CSMD2: variants seen among roughly 807,000 people sequenced by gnomAD.
CSMD2 encodes the protein CUB and Sushi multiple domains 2.
Under a neutral mutation model 398.5 loss-of-function variants are expected in CSMD2, and 130 were observed. The observed-to-expected ratio is 0.33, with a 90% CI of 0.28 to 0.38. The LOEUF (loss-of-function observed/expected upper bound fraction) is 0.38. Among genes scored for constraint, CSMD2 ranks in the 10% least tolerant of loss-of-function variants. The pLI is 1.00. For synonymous variants in CSMD2, 1,828 were observed against 1,908.5 expected, an observed-to-expected ratio of 0.96 and a Z score of 1.10; for missense variants, 3,829 against 4,764.9, an observed-to-expected ratio of 0.80 and a Z score of 5.78.
intron 5 of CSMD2, among the ~76,000 whole-genome samples, chr1:33,895,971 C>T (rs1642360245): frequency 6.6e-6 from 1 of 152,144 alleles, no homozygotes; most frequent in African/African-American, 2.4e-5. Context: ...TCCTCCAAGA[C>T]GGAAGCAGTG....
At chr1:33,821,193 C>A (rs914495437) in intron 7 of CSMD2, among the ~76,000 whole-genome samples, 1 of 152,190 alleles carries the variant, frequency 6.6e-6, no homozygotes, top group Non-Finnish European at 1.5e-5. Context: ...GCAGAGATGG[C>A]ACCTGTGATG....
intron 2 of CSMD2, among the ~76,000 whole-genome samples, chr1:34,072,390 C>T (rs1655824778): frequency 6.6e-6 from 1 of 152,110 alleles, no homozygotes. Context: ...AATTCTGTGG[C>T]CCCAGAAGTT....
intron 3 of CSMD2, among the ~76,000 whole-genome samples, chr1:33,982,942 C>A (rs912933813): frequency 6.6e-6 from 1 of 152,054 alleles, no homozygotes; most frequent in African/African-American, 2.4e-5. Context: ...GGGCTAGGAG[C>A]CCAAGAAGGA....
At chr1:33,884,750 A>G (rs1485130105) in intron 5 of CSMD2, 4 of 152,220 alleles carry the variant, frequency 2.6e-5, no homozygotes, top group Admixed American at 1.3e-4. Context: ...AGAATAAAAT[A>G]CGAATCATCT....
chr1:33,700,646 G>A lies in CSMD2; in HGVS notation c.3604C>T (p.Arg1202Cys), dbSNP rs748166957. Residue 1202 changes from arginine to cysteine, a missense_variant, in exon 23 of 71, where the codon CGT becomes TGT. Transcript: ENST00000373381. The stretch of plus-strand genomic sequence containing the variant: ...GAATGGCTAAAAACTCCCAGCAAAC[G>A]GGCGGAGTTGTTGTTGCCATCATAA... ...KVYDGNNNSA[R>C]LLGVFSHSEM... 1.5e-5 allele frequency: 25 copies of A among 1,614,038 alleles called. No individual in the cohort carries two copies. The highest frequency in any genetic ancestry group is 1.9e-5 in the Non-Finnish European group (22 of 1,180,036).
chr1:34,037,265 C>T (rs1651258918), intron 2 of CSMD2, among the ~76,000 whole-genome samples: 1 of 152,252 alleles, frequency 6.6e-6, no homozygotes, highest in African/African-American at 2.4e-5. Flanking sequence ...CTCACTCCAG[C>T]CGCCTCCTAT....
intron 39 of CSMD2, among the ~76,000 whole-genome samples, chr1:33,615,559 G>A (rs1256702529): frequency 3.3e-5 from 5 of 152,120 alleles, no homozygotes; most frequent in Non-Finnish European, 5.9e-5. Context: ...TCCAGAACTC[G>A]GTTTCCCACA....
At chr1:34,065,167 C>T (rs1280793230) in intron 2 of CSMD2, among the ~76,000 whole-genome samples, 1 of 152,124 alleles carries the variant, frequency 6.6e-6, no homozygotes, top group Admixed American at 6.5e-5. Flanking sequence ...CCAACCCCAC[C>T]TCATGATGGT....
At chr1:33,913,153 T>C (rs1453309456) in intron 5 of CSMD2, among the ~76,000 whole-genome samples, 2 of 152,170 alleles carry the variant, frequency 1.3e-5, no homozygotes, top group African/African-American at 2.4e-5. Context: ...AGTGTGGGGC[T>C]AGATCCAGGA....
chr1:33,856,307 TAGA>T (rs1019272275), intron 5 of CSMD2, among the ~76,000 whole-genome samples: 1 of 152,018 alleles, frequency 6.6e-6, no homozygotes, highest in Non-Finnish European at 1.5e-5. Flanking sequence ...AGTGCAGGGG[TAGA>T]AGGACAGGGC....
intron 56 of CSMD2, among the ~76,000 whole-genome samples, chr1:33,548,991 G>A (rs1248078582): frequency 6.6e-6 from 1 of 152,206 alleles, no homozygotes; most frequent in Non-Finnish European, 1.5e-5. Flanking sequence ...ATAGGGGTGA[G>A]AGGCCAAAGT....
At chr1:33,681,020 G>A (rs2149066433) in intron 25 of CSMD2, among the ~76,000 whole-genome samples, 2 of 137,362 alleles carry the variant, frequency 1.5e-5, no homozygotes, top group Middle Eastern at 8.5e-3. Context: ...CGCCTCCTGT[G>A]TTCAAGTGAT....
In CSMD2 at chr1:34,109,814, C is replaced by T. The variant is rs367602683; in HGVS notation, c.188-20621G>A. On this transcript the variant is annotated intron_variant, in intron 1 of 70. Coordinates refer to ENST00000373381, the MANE Select transcript of CSMD2 (RefSeq NM_001281956.2). ...CAGCACTTTGGGAGGCCAAGGCGGG[C>T]GGATCACGAGGTCAGGAGTTCAAGA... 1.9e-3 allele frequency among the ~76,000 whole-genome samples: 287 copies of T among 151,810 alleles called. 1 individual carries two copies. Among genetic ancestry groups the T allele is most frequent in the African/African-American group, 6.1e-3 (253 of 41,438 alleles).
At chr1:33,623,078 A>G (rs1455034355) in intron 36 of CSMD2, among the ~76,000 whole-genome samples, 1 of 152,242 alleles carries the variant, frequency 6.6e-6, no homozygotes, top group Non-Finnish European at 1.5e-5. Context: ...AGGCAAATCC[A>G]GAGAGATAGA....
chr1:33,848,692 C>T (rs1638469089), intron 5 of CSMD2, among the ~76,000 whole-genome samples: 1 of 152,184 alleles, frequency 6.6e-6, no homozygotes, highest in Non-Finnish European at 1.5e-5. Context: ...ATAACCCATA[C>T]CGCTATGGTA....
intron 15 of CSMD2, among the ~76,000 whole-genome samples, chr1:33,727,346 G>C (rs1034043931): frequency 1.3e-5 from 2 of 152,212 alleles, no homozygotes; most frequent in Admixed American, 6.5e-5. Flanking sequence ...GTCTTGCAAA[G>C]TCTGTTATTT....
intron 37 of CSMD2, among the ~76,000 whole-genome samples, chr1:33,621,494 C>G (rs1641768943): frequency 6.6e-6 from 1 of 152,180 alleles, no homozygotes; most frequent in South Asian, 2.1e-4. Context: ...AAACCCAGCA[C>G]AGTGCCTGGC....
At position 33,930,230 on chromosome 1, in the gene CSMD2, C is replaced by T. The variant is rs182309067; in HGVS notation, c.712+5530G>A. On this transcript the variant is annotated intron_variant, in intron 4 of 70. Transcript: ENST00000373381. ...AGTAGCCAAGTGAATAAAATGAGGACACAATCAGCCCTGTAAGGCTGCTAC... is the reference window on the plus strand; with the variant it reads ...AGTAGCCAAGTGAATAAAATGAGGATACAATCAGCCCTGTAAGGCTGCTAC... 3.3e-3 allele frequency among the ~76,000 whole-genome samples: 502 copies of T among 152,330 alleles called. 2 individuals are homozygous for T. Among genetic ancestry groups the T allele is most frequent in the Middle Eastern group, 6.8e-3 (2 of 294 alleles).
At chr1:34,031,461 T>C (rs1402125752) in intron 3 of CSMD2, among the ~76,000 whole-genome samples, 1 of 152,030 alleles carries the variant, frequency 6.6e-6, no homozygotes, top group Middle Eastern at 3.2e-3. Context: ...TAAGGTAAAA[T>C]AGAGTTATGT....
Sources: gnomAD v4.1 joint callset for allele counts (sites outside exome capture counted in the v4.1 genomes callset) on GRCh38, gnomAD v4.1.1 for gene constraint, MANE v1.5 for transcripts, NCBI Gene and HGNC (gene_info 2026-07-23, HGNC 2026-07-21) for gene names.